Variants in TECTA observed in about 807,000 individuals in gnomAD.
TECTA encodes the protein alpha-tectorin.
In TECTA, 128 loss-of-function variants were observed where a neutral mutation model predicts 216.8. The observed-to-expected ratio is 0.59, with a 90% CI of 0.51 to 0.68. The LOEUF (loss-of-function observed/expected upper bound fraction) is 0.68. TECTA is among the 30% of genes least tolerant of loss of function. The pLI is 0.00. For missense variants in TECTA, 2,551 were observed against 2,786.2 expected, an observed-to-expected ratio of 0.92 and a Z score of 1.90; for synonymous variants, 1,089 against 1,117.1, an observed-to-expected ratio of 0.97 and a Z score of 0.50.
rs1018188859 is a variant in TECTA, at chr11:121,160,172, G to T, written c.4727G>T (p.Gly1576Val). The change falls in exon 15 of 24, where the codon GGT becomes GTT. Residue 1576 changes from glycine (G) to valine (V), a missense_variant. Coordinates refer to ENST00000392793, the MANE Select transcript of TECTA (RefSeq NM_005422.4). ...CAAGTGAATGTTCCATTTATAACTG[G>T]TTTGGCAACCAAAATCTACAGCAGT... is the stretch of plus-strand genomic sequence containing the variant. ...GTQVNVPFIT[G>V]LATKIYSSEG... 1 of 1,614,046 alleles carries T rather than the reference G, an allele frequency of 6.2e-7. No individual in the cohort carries two copies. Among genetic ancestry groups the T allele is most frequent in the African/African-American group, 1.3e-5 (1 of 74,916 alleles).
At chr11:121,133,874 AC>A (rs1012765471) in intron 10 of TECTA, among the ~76,000 whole-genome samples, 1 of 152,090 alleles carries the variant, frequency 6.6e-6, no homozygotes, top group African/African-American at 2.4e-5. Flanking sequence ...CTAATAAGCA[AC>A]CCATGGGGAA....
At chr11:121,140,798 C>T (rs638496) in intron 11 of TECTA, 67,805 of 152,226 alleles carry the variant, frequency 0.45, 17,057 homozygotes, top group African/African-American at 0.69. Context: ...GTGTCCAAAT[C>T]TCCTTCTCCT....
intron 13 of TECTA, among the ~76,000 whole-genome samples, chr11:121,155,645 A>C (rs1946933494): frequency 6.6e-6 from 1 of 152,210 alleles, no homozygotes; most frequent in South Asian, 2.1e-4. Flanking sequence ...TTAAAGCAGA[A>C]AACTGACCAG....
At chr11:121,181,036 G>A (rs968941553) in intron 20 of TECTA, among the ~76,000 whole-genome samples, 7 of 151,884 alleles carry the variant, frequency 4.6e-5, no homozygotes, top group Non-Finnish European at 5.9e-5. Flanking sequence ...GTCTGGTGGC[G>A]TGTCTGTAGT....
intron 3 of TECTA, 133 bp downstream of exon 3, chr11:121,106,097 G>A: frequency 7.5e-7 from 1 of 1,339,686 alleles, no homozygotes; most frequent in South Asian, 1.2e-5. Context: ...GACAAGTTCT[G>A]AGATTTCATG....
intron 7 of TECTA, among the ~76,000 whole-genome samples, chr11:121,120,141 C>A (rs1315932770): frequency 6.6e-6 from 1 of 151,754 alleles, no homozygotes; most frequent in African/African-American, 2.4e-5. Flanking sequence ...GATTAAAATT[C>A]TTTTTTATTC....
chr11:121,150,240 T>G (rs1946876723), intron 12 of TECTA, among the ~76,000 whole-genome samples: 2 of 152,220 alleles, frequency 1.3e-5, no homozygotes, highest in Non-Finnish European at 2.9e-5. Context: ...AAAGCTGGCA[T>G]TTCAAATTAC....
intron 2 of TECTA, among the ~76,000 whole-genome samples, chr11:121,104,971 T>C (rs989858835): frequency 5.3e-5 from 8 of 152,226 alleles, no homozygotes; most frequent in African/African-American, 9.6e-5. Context: ...CAGATGCTAT[T>C]GGACTTGATC....
chr11:121,123,678 C>CT (rs1408263454), intron 7 of TECTA, among the ~76,000 whole-genome samples: 1 of 152,242 alleles, frequency 6.6e-6, no homozygotes, highest in Non-Finnish European at 1.5e-5. Flanking sequence ...CCTCCAAGAC[C>CT]TGTTCTCAAC....
At chr11:121,137,352 A>G in intron 10 of TECTA, 69 bp from the exon 11 acceptor site, 4 of 1,600,884 alleles carry the variant, frequency 2.5e-6, no homozygotes, top group Middle Eastern at 1.7e-4. Context: ...ACACACATGC[A>G]TGCACGCACA....
intron 12 of TECTA, among the ~76,000 whole-genome samples, chr11:121,149,815 C>G (rs1946872599): frequency 6.6e-6 from 1 of 152,224 alleles, no homozygotes; most frequent in South Asian, 2.1e-4. Flanking sequence ...CACGCCACAG[C>G]TCTCAGTACA....
chr11:121,163,186 G>A (rs187502157), intron 16 of TECTA, among the ~76,000 whole-genome samples: 10 of 152,228 alleles, frequency 6.6e-5, no homozygotes, highest in East Asian at 5.8e-4. Flanking sequence ...TGGTAAATTC[G>A]CAGACCAAAC....
chr11:121,189,917 G>T lies in TECTA; in HGVS notation c.6367+37G>T, dbSNP rs890092555. 20 of 1,553,316 alleles carry T rather than the reference G, an allele frequency of 1.3e-5. No individual in the cohort carries two copies. In the South Asian group the frequency reaches 1.8e-4, roughly 14 times the overall value. ...TCTACCCTGGGGCAGGCAGCTGGGA[G>T]ACACGGGAGGTTCTTTACCACCAGA... On this transcript the variant is annotated intron_variant, in intron 23 of 23. Coordinates refer to ENST00000392793, the MANE Select transcript of TECTA (RefSeq NM_005422.4).
At chr11:121,107,548 A>G (rs943364106) in intron 3 of TECTA, among the ~76,000 whole-genome samples, 3 of 152,192 alleles carry the variant, frequency 2.0e-5, no homozygotes, top group African/African-American at 7.2e-5. Flanking sequence ...AATGTCCATA[A>G]TGTTACTGGT....
intron 4 of TECTA, 82 bp from the exon 5 acceptor site, chr11:121,112,990 C>T (rs946234317): frequency 1.8e-5 from 29 of 1,572,332 alleles, no homozygotes; most frequent in Admixed American, 6.9e-5. Flanking sequence ...GTGGGGAGGG[C>T]GCAGGGTGAA....
At chr11:121,164,327 TA>T (rs1030838019) in intron 16 of TECTA, among the ~76,000 whole-genome samples, 2 of 152,166 alleles carry the variant, frequency 1.3e-5, no homozygotes, top group Non-Finnish European at 2.9e-5. Flanking sequence ...AAACTCTTTT[TA>T]AAAAAACTCT....
chr11:121,137,343 C>G (rs1023737299), intron 10 of TECTA, 78 bp from the exon 11 acceptor site: 166 of 1,579,906 alleles, frequency 1.1e-4, no homozygotes, highest in Non-Finnish European at 1.4e-4. Flanking sequence ...TGCACTCATA[C>G]ACACATGCAT....
intron 11 of TECTA, among the ~76,000 whole-genome samples, chr11:121,143,278 T>A (rs534503295): frequency 1.5e-3 from 227 of 152,330 alleles, no homozygotes; most frequent in African/African-American, 5.2e-3. Flanking sequence ...CCACACTCTA[T>A]GCCCCAGCAG....
rs1458996733 is a variant in TECTA at position 121,145,860 on chromosome 11, C to A, written c.3849C>A (p.Asp1283Glu). The change falls in exon 12 of 24, where the codon GAC (aspartate) becomes GAA (glutamate). Residue 1283 changes from aspartate (D) to glutamate (E), a missense_variant. Physicochemically the swap from Asp to Glu is conservative, Grantham distance 45. This residue lies in a region of TECTA where 2,375 missense variants were observed against 2,563.9 expected (regional missense o/e 0.93). Transcript: ENST00000392793. ...RDTFCQVGCG[D>E]RCPSCAKVEG... is the part of the protein sequence containing the mutation. Reference sequence around the variant, plus strand: ...CCTTCTGCCAGGTGGGCTGTGGGGACCGCTGTCCGTCCTGTGCCAAGGTGG... The same window carrying A: ...CCTTCTGCCAGGTGGGCTGTGGGGAACGCTGTCCGTCCTGTGCCAAGGTGG... 1.9e-6 allele frequency: 3 copies of A among 1,614,250 alleles called. No individual in the cohort carries two copies. Among genetic ancestry groups the A allele is most frequent in the Non-Finnish European group, 2.5e-6 (3 of 1,180,048 alleles).
Sources: allele counts gnomAD v4.1 joint callset (sites outside exome capture counted in the v4.1 genomes callset), GRCh38; gene constraint gnomAD v4.1.1; regional missense constraint gnomAD v4.1.1; transcripts MANE v1.5; gene names NCBI Gene and HGNC (gene_info 2026-07-23, HGNC 2026-07-21).